Variants in ADGRF3 observed in about 807,000 individuals in gnomAD.
ADGRF3 encodes the protein G protein-coupled receptor 113.
In ADGRF3, 85 loss-of-function variants were observed where a neutral mutation model predicts 93.2. The observed-to-expected ratio is 0.91, with a 90% confidence interval of 0.77 to 1.09. ADGRF3 has a LOEUF of 1.09. Among genes scored for constraint, ADGRF3 ranks in the 50% least tolerant of loss-of-function variants. The pLI is 0.00. For synonymous variants in ADGRF3, 534 were observed against 532.5 expected, an observed-to-expected ratio of 1.00 and a Z score of -0.04; for missense variants, 1,125 against 1,246.2, an observed-to-expected ratio of 0.90 and a Z score of 1.46.
chr2:26,346,393 G>A lies in ADGRF3; in HGVS notation c.-159C>T, dbSNP rs1189465954. The A allele has an allele frequency of 7.3e-7, 1 of 1,360,974 alleles. No individual in the cohort carries two copies. Among genetic ancestry groups the A allele is most frequent in the South Asian group, 1.6e-5 (1 of 63,586 alleles). 84.3% of individuals were successfully genotyped at this position (1,360,974 alleles called of 1,614,324 possible). A position where few individuals can be genotyped will look rare whatever the true frequency, so the allele number is the denominator to read the frequency against. On this transcript the variant is annotated 5_prime_UTR_variant, in exon 1 of 14. Coordinates refer to ENST00000651242, the MANE Select transcript of ADGRF3 (RefSeq NM_001321971.2). Reference sequence around the variant, plus strand: ...GTGTCACCTTGTGCCGCGTGGCTCCGGGCGGGCTGGCGGGCGTTCCTCCGG... The same window carrying A: ...GTGTCACCTTGTGCCGCGTGGCTCCAGGCGGGCTGGCGGGCGTTCCTCCGG...
chr2:26,343,383 T>C (rs968027408), intron 1 of ADGRF3, among the ~76,000 whole-genome samples: 8 of 152,108 alleles, frequency 5.3e-5, no homozygotes, highest in Admixed American at 3.9e-4. Context: ...ATGAATAGGA[T>C]CGTAGTACCT....
chr2:26,311,298 G>C lies in ADGRF3; in HGVS notation c.2226C>G (p.Ala742=). 6.2e-7 allele frequency: 1 copy of C among 1,613,866 alleles called. No individual in the cohort carries two copies. The highest frequency in any genetic ancestry group is 1.7e-5 in the Admixed American group (1 of 60,024). ...AGCAGAACACCATGTTGAGCAGGGC[G>C]GCGTGGCGGAAATAGGAGATCTTGT... The part of the protein sequence containing the change: ...VRNKISYFRH[A]ALLNMVFCLL... Residue 742 remains alanine, a synonymous_variant, in exon 10 of 14, where the codon GCC becomes GCG. Coordinates refer to ENST00000651242, the MANE Select transcript of ADGRF3 (RefSeq NM_001321971.2).
chr2:26,335,663 T>C (rs1276788534), intron 1 of ADGRF3, among the ~76,000 whole-genome samples: 1 of 152,182 alleles, frequency 6.6e-6, no homozygotes, highest in Non-Finnish European at 1.5e-5. Context: ...CCCATTTTTT[T>C]ACATTCACTT....
At chr2:26,340,202 A>C (rs1558403105) in intron 1 of ADGRF3, among the ~76,000 whole-genome samples, 2 of 152,222 alleles carry the variant, frequency 1.3e-5, no homozygotes, top group Non-Finnish European at 2.9e-5. Flanking sequence ...CTTCCATTAG[A>C]GTTCTGGTCA....
At position 26,341,801 on chromosome 2, in the gene ADGRF3, C is replaced by T. The variant is rs565372218; in HGVS notation, c.114+4320G>A. ...TAAAAACTGACTTGTGAGCTGGGCGCGGTGGCTCACACCTGTAATCCCAGC... is the reference window on the plus strand; with the variant it reads ...TAAAAACTGACTTGTGAGCTGGGCGTGGTGGCTCACACCTGTAATCCCAGC... On this transcript the variant is annotated intron_variant, in intron 1 of 13. Coordinates refer to ENST00000651242, the MANE Select transcript of ADGRF3 (RefSeq NM_001321971.2). Among the ~76,000 whole-genome samples, 10 of 152,022 alleles carry T rather than the reference C, an allele frequency of 6.6e-5. No individual in the cohort carries two copies. The East Asian group carries it at 1.4e-3, about 21-fold the overall frequency.
chr2:26,320,781 A>T (rs1166876656), intron 1 of ADGRF3, among the ~76,000 whole-genome samples: 1 of 152,216 alleles, frequency 6.6e-6, no homozygotes, highest in Non-Finnish European at 1.5e-5. Flanking sequence ...GGGATTTCCA[A>T]GCAACACATT....
chr2:26,327,614 G>T (rs1675506376), intron 1 of ADGRF3, among the ~76,000 whole-genome samples: 1 of 150,270 alleles, frequency 6.7e-6, no homozygotes, highest in African/African-American at 2.5e-5. Context: ...GTCCAAGGTT[G>T]AGGGGCTCAC....
rs534318335 is a variant in ADGRF3 at position 26,328,732 on chromosome 2, A to C, written c.115-11170T>G. ...CTCCCAAAGTGCTGGGATTACAGGCATGAGGCACTGCGCCCAGCTGCCTTT... is the reference window on the plus strand; with the variant it reads ...CTCCCAAAGTGCTGGGATTACAGGCCTGAGGCACTGCGCCCAGCTGCCTTT... On this transcript the variant is annotated intron_variant, in intron 1 of 13. Coordinates refer to ENST00000651242, the MANE Select transcript of ADGRF3 (RefSeq NM_001321971.2). Among the ~76,000 whole-genome samples the C allele has an allele frequency of 2.0e-5, 3 of 152,336 alleles. No homozygotes were observed. In the East Asian group the frequency reaches 5.8e-4, roughly 29 times the overall value.
chr2:26,309,398 C>T, intron 13 of ADGRF3, 128 bp downstream of exon 13: 1 of 1,521,448 alleles, frequency 6.6e-7, no homozygotes, highest in South Asian at 1.3e-5. Flanking sequence ...AAACCTGTTT[C>T]CTACCCTTTG....
intron 8 of ADGRF3, 62 bp from the exon 9 acceptor site, chr2:26,313,184 T>A: frequency 6.3e-7 from 1 of 1,585,586 alleles, no homozygotes; most frequent in Non-Finnish European, 8.6e-7. Context: ...GAGAAGAGCA[T>A]CCCAGACCCA....
At chr2:26,344,641 T>C (rs1356310207) in intron 1 of ADGRF3, among the ~76,000 whole-genome samples, 1 of 152,128 alleles carries the variant, frequency 6.6e-6, no homozygotes, top group Non-Finnish European at 1.5e-5. Flanking sequence ...ACACTGAAGT[T>C]TATTGGTTGG....
At chr2:26,325,357 A>T (rs567097522) in intron 1 of ADGRF3, among the ~76,000 whole-genome samples, 4 of 152,234 alleles carry the variant, frequency 2.6e-5, no homozygotes, top group African/African-American at 9.6e-5. Context: ...ATATGCCTTT[A>T]TAGGAAAAAA....
intron 1 of ADGRF3, chr2:26,317,896 GCTGGCTGGGGCC>G (rs1263459727): frequency 1.2e-6 from 1 of 830,150 alleles, no homozygotes; most frequent in Non-Finnish European, 2.0e-6. Context: ...GCTGGACATT[GCTGGCTGGGGCC>G]CAGGCGCTTG....
At chr2:26,336,844 C>G (rs1206525463) in intron 1 of ADGRF3, among the ~76,000 whole-genome samples, 1 of 149,418 alleles carries the variant, frequency 6.7e-6, no homozygotes, top group East Asian at 2.0e-4. Context: ...TGAAAGTGTC[C>G]ATTTGACTCA....
rs1574711384 is a variant in ADGRF3, at chr2:26,318,177, T to C, written c.115-615A>G. On this transcript the variant is annotated intron_variant, in intron 1 of 13. Transcript: ENST00000651242. Reference sequence around the variant, plus strand: ...CCAAGGAGAGAGAACATGGCAGTCCTTCCTCCAGGAAATATGGAGGGGCTC... The same window carrying C: ...CCAAGGAGAGAGAACATGGCAGTCCCTCCTCCAGGAAATATGGAGGGGCTC... The C allele has an allele frequency of 1.5e-5, 18 of 1,166,958 alleles. No individual in the cohort carries two copies. The East Asian group carries it at 2.3e-4, about 15-fold the overall frequency. The allele number at this position is 1,166,958 out of a possible 1,614,324, so 72.3% of individuals were successfully genotyped here.
chr2:26,327,265 G>C (rs1316475259), intron 1 of ADGRF3, among the ~76,000 whole-genome samples: 1 of 152,236 alleles, frequency 6.6e-6, no homozygotes, highest in Non-Finnish European at 1.5e-5. Flanking sequence ...AATAGTCTGA[G>C]CTCCAAGGAA....
At chr2:26,336,157 T>C (rs1015568421) in intron 1 of ADGRF3, among the ~76,000 whole-genome samples, 2 of 152,136 alleles carry the variant, frequency 1.3e-5, no homozygotes, top group Non-Finnish European at 2.9e-5. Flanking sequence ...GGTTGCCAAC[T>C]GGGACAAAAA....
chr2:26,323,829 G>T (rs6744535), intron 1 of ADGRF3, among the ~76,000 whole-genome samples: 3 of 151,818 alleles, frequency 2.0e-5, no homozygotes, highest in East Asian at 1.9e-4. Context: ...GGATTTCACC[G>T]TGTTGGCCAG....
intron 1 of ADGRF3, among the ~76,000 whole-genome samples, chr2:26,318,463 A>T (rs976388138): frequency 3.9e-5 from 6 of 152,130 alleles, no homozygotes; most frequent in Non-Finnish European, 5.9e-5. Context: ...TTAGATACAG[A>T]TACAGATATA....
Sources: allele counts gnomAD v4.1 joint callset (sites outside exome capture counted in the v4.1 genomes callset), GRCh38; gene constraint gnomAD v4.1.1; transcripts MANE v1.5; gene names NCBI Gene and HGNC (gene_info 2026-07-23, HGNC 2026-07-21).